Variants in GFI1B observed in about 807,000 individuals in gnomAD.
GFI1B encodes zinc finger protein Gfi-1b.
Under a neutral mutation model 35.3 loss-of-function variants are expected in GFI1B, and 20 were observed. The observed-to-expected ratio is 0.57, with a 90% CI of 0.40 to 0.82. The LOEUF is 0.82. Among genes scored for constraint, GFI1B ranks in the 40% least tolerant of loss-of-function variants. The probability of loss-of-function intolerance (pLI) is 0.00; values close to 1 mark genes in which losing one functional copy is unlikely to be tolerated. For synonymous variants in GFI1B, 178 were observed against 177.6 expected (o/e 1.00, Z -0.02); for missense variants, 430 against 446.3 (o/e 0.96, Z 0.33).
upstream of GFI1B, among the ~76,000 whole-genome samples, chr9:132,977,786 C>T (rs115265960): frequency 0.016 from 2,505 of 152,238 alleles, 60 homozygotes; most frequent in African/African-American, 0.057. Context: ...ATGGGACACC[C>T]CAGAGGCCCC....
At chr9:132,971,564 CATT>C (rs1395575300) in intron 1 of GFI1B, among the ~76,000 whole-genome samples, 2 of 152,046 alleles carry the variant, frequency 1.3e-5, no homozygotes, top group Non-Finnish European at 2.9e-5. Flanking sequence ...GAATTGAAAA[CATT>C]ATAAACACAT....
rs58406908 is a variant in GFI1B at position 132,947,809 on chromosome 9, CA to C, written c.-701+2161del. Among the ~76,000 whole-genome samples, 534 of 86,096 alleles carry C rather than the reference CA, an allele frequency of 6.2e-3. 4 individuals are homozygous for C. Among genetic ancestry groups the C allele is most frequent in the East Asian group, 0.023 (54 of 2,370 alleles). The allele number at this position is 86,096 out of a possible 152,430, so 56.5% of individuals were successfully genotyped here. On this transcript the variant is annotated intron_variant, in intron 1 of 10. Coordinates refer to the GFI1B transcript ENST00000339463. ...GGGTAACAAAGAGAGACTTGGTCTCCAAAAAAAAAAAAAAAAAAAAACTAAA... is the reference window on the plus strand; with the variant it reads ...GGGTAACAAAGAGAGACTTGGTCTCCAAAAAAAAAAAAAAAAAAAACTAAA...
At chr9:132,991,855 A>G (rs560527039), downstream of GFI1B, among the ~76,000 whole-genome samples, 13 of 152,162 alleles carry the variant, frequency 8.5e-5, no homozygotes, top group South Asian at 2.3e-3. Context: ...AGACCCGCTG[A>G]CGAGCCAGGA....
chr9:132,978,159 G>A (rs1848688202), upstream of GFI1B, among the ~76,000 whole-genome samples: 1 of 151,120 alleles, frequency 6.6e-6, no homozygotes, highest in Non-Finnish European at 1.5e-5. Flanking sequence ...AGGGAGGAAA[G>A]GAGGGAAGAG....
chr9:132,959,258 C>T (rs557150257), intron 1 of GFI1B, among the ~76,000 whole-genome samples: 37 of 152,230 alleles, frequency 2.4e-4, no homozygotes, highest in African/African-American at 7.2e-4. Context: ...TGAGTTCTCA[C>T]GAGACCTGAT....
chr9:132,990,728 T>C (rs761302470), intron 6 of GFI1B, 144 bp from the exon 7 acceptor site: 9 of 716,390 alleles, frequency 1.3e-5, no homozygotes, highest in Non-Finnish European at 1.9e-5. Context: ...TTTCTAATTA[T>C]TTTCTAAAGT....
upstream of GFI1B, among the ~76,000 whole-genome samples, chr9:132,977,308 A>T (rs1336022138): frequency 3.3e-5 from 5 of 152,062 alleles, no homozygotes; most frequent in African/African-American, 7.2e-5. Flanking sequence ...GAGACCACAG[A>T]GCTGGGAGCA....
At chr9:132,952,853 T>C (rs141820602) in intron 1 of GFI1B, 5 of 152,366 alleles carry the variant, frequency 3.3e-5, no homozygotes, top group African/African-American at 1.2e-4. Context: ...TCTGCATTCA[T>C]TGAATAGTCA....
rs1373856257 is a variant in GFI1B, at chr9:132,991,130, CCA to C, written c.*81_*82del. 7.7e-7 allele frequency: 1 copy of C among 1,298,416 alleles called. No homozygotes were observed. Among genetic ancestry groups the C allele is most frequent in the African/African-American group, 1.4e-5 (1 of 68,998 alleles). The allele number at this position is 1,298,416 out of a possible 1,614,324, so 80.4% of individuals were successfully genotyped here. A position where few individuals can be genotyped will look rare whatever the true frequency, so the allele number is the denominator to read the frequency against. ...AGGCCAGCCTCACATGCCCAAATCTCCAGTCTCCTGGAGGTGGGACTGGACAG... is the reference window on the plus strand; with the variant it reads ...AGGCCAGCCTCACATGCCCAAATCTCGTCTCCTGGAGGTGGGACTGGACAG... On this transcript the variant is annotated 3_prime_UTR_variant, in exon 7 of 7. Coordinates refer to ENST00000372122, the MANE Select transcript of GFI1B (RefSeq NM_001377304.1).
intron 1 of GFI1B, among the ~76,000 whole-genome samples, chr9:132,948,850 G>A (rs909190791): frequency 2.6e-5 from 4 of 152,170 alleles, no homozygotes; most frequent in African/African-American, 4.8e-5. Flanking sequence ...GTCATTCTCC[G>A]TTTGCCCTTC....
At chr9:132,973,081 C>T (rs566611466) in intron 2 of GFI1B, among the ~76,000 whole-genome samples, 14 of 152,370 alleles carry the variant, frequency 9.2e-5, no homozygotes, top group South Asian at 4.1e-4. Context: ...CAATGCCCAG[C>T]CGGCTCTCTG....
intron 1 of GFI1B, chr9:132,951,927 C>G (rs1431607351): frequency 6.6e-6 from 1 of 151,986 alleles, no homozygotes; most frequent in African/African-American, 2.4e-5. Context: ...ACCACCACAC[C>G]GGGATAATTT....
intron 1 of GFI1B, among the ~76,000 whole-genome samples, chr9:132,984,838 G>A (rs1848978356): frequency 1.3e-5 from 2 of 152,132 alleles, no homozygotes; most frequent in African/African-American, 4.8e-5. Flanking sequence ...AAGCAGGCCT[G>A]GGCATAGTCG....
At chr9:132,979,246 C>CTTTTTTTTTT (rs34125755) in intron 1 of GFI1B, among the ~76,000 whole-genome samples, 2 of 95,632 alleles carry the variant, frequency 2.1e-5, no homozygotes, top group Admixed American at 1.1e-4. Flanking sequence ...TCCTGGGACA[C>CTTTTTTTTTT]TTTTTTTTTT....
intron 1 of GFI1B, among the ~76,000 whole-genome samples, chr9:132,956,727 A>G (rs752466524): frequency 6.6e-6 from 1 of 152,234 alleles, no homozygotes; most frequent in African/African-American, 2.4e-5. Flanking sequence ...TATTAGAAAC[A>G]TAGAATTGGA....
At chr9:132,976,302 T>A (rs1302748639), upstream of GFI1B, among the ~76,000 whole-genome samples, 1 of 152,096 alleles carries the variant, frequency 6.6e-6, no homozygotes, top group Non-Finnish European at 1.5e-5. Context: ...TCACGGAAAA[T>A]GACACGCTGG....
chr9:132,971,835 A>G lies in GFI1B; in HGVS notation c.-700-890A>G, dbSNP rs142763314. On this transcript the variant is annotated intron_variant, in intron 1 of 10. Transcript: ENST00000339463. Reference sequence around the variant, plus strand: ...CTAAAAATACAAAAATTAGCTGGGTATGGTGGCACGTGCCTGTAATCCCAG... The same window carrying G: ...CTAAAAATACAAAAATTAGCTGGGTGTGGTGGCACGTGCCTGTAATCCCAG... 6.6e-5 allele frequency among the ~76,000 whole-genome samples: 10 copies of G among 151,958 alleles called. No homozygotes were observed. In the East Asian group the frequency reaches 1.6e-3, roughly 24 times the overall value.
chr9:132,986,001 G>C (rs1015928705), intron 1 of GFI1B, among the ~76,000 whole-genome samples: 2 of 152,186 alleles, frequency 1.3e-5, no homozygotes, highest in African/African-American at 4.8e-5. Flanking sequence ...ATGGGAGCAG[G>C]CTTGTCTGAG....
intron 2 of GFI1B, 70 bp downstream of exon 2, chr9:132,986,848 A>T: frequency 1.1e-6 from 1 of 911,844 alleles, no homozygotes; most frequent in Non-Finnish European, 1.8e-6. Flanking sequence ...ATGAGGGTGC[A>T]GCAGCGTCCC....
Sources: allele counts gnomAD v4.1 joint callset (sites outside exome capture counted in the v4.1 genomes callset), GRCh38; gene constraint gnomAD v4.1.1; transcripts MANE v1.5; gene names NCBI Gene and HGNC (gene_info 2026-07-23, HGNC 2026-07-21).